The following PCDHGA11 variants were observed in gnomAD, a reference collection of about 807,000 sequenced individuals.
The protein encoded by PCDHGA11 is protocadherin gamma subfamily A, 11.
PCDHGA11 carries 39 observed loss-of-function variants against 60.4 expected under a neutral mutation model. The ratio of observed to expected loss-of-function variants is 0.65; its 90% confidence interval spans 0.50 to 0.84. The LOEUF (loss-of-function observed/expected upper bound fraction) is 0.84. Among genes scored for constraint, PCDHGA11 ranks in the 40% least tolerant of loss-of-function variants. The pLI is 0.00. For missense variants in PCDHGA11, 1,165 were observed against 1,197.7 expected, an observed-to-expected ratio of 0.97 and a Z score of 0.40; for synonymous variants, 533 against 510.3, an observed-to-expected ratio of 1.04 and a Z score of -0.60.
chr5:141,489,271 G>A lies in PCDHGA11; in HGVS notation c.2434-5536G>A, dbSNP rs1431562179. The A allele has an allele frequency of 2.4e-5, 37 of 1,554,676 alleles. No individual in the cohort carries two copies. The highest frequency in any genetic ancestry group is 3.0e-5 in the Non-Finnish European group (35 of 1,150,770). ...GCCCAAGACACTCCCACAGCTCGCT[G>A]GGAAATGGCAAGTGCTGTGCATGTT... On this transcript the variant is annotated intron_variant, in intron 1 of 3. Transcript: ENST00000398587. The surrounding 1 kb of genome is among the most constrained non-coding windows in gnomAD (Gnocchi z 4.5).
At chr5:141,449,055 A>T (rs1056298558) in intron 1 of PCDHGA11, among the ~76,000 whole-genome samples, 1 of 152,188 alleles carries the variant, frequency 6.6e-6, no homozygotes, top group Non-Finnish European at 1.5e-5. Context: ...CTCATAAATG[A>T]GCGCTATTGA....
At chr5:141,423,742 A>C in intron 1 of PCDHGA11, 82 bp downstream of exon 1, 1 of 514,328 alleles carries the variant, frequency 1.9e-6, no homozygotes, top group Non-Finnish European at 2.4e-6. Context: ...CCTGTTATGA[A>C]AACTGTTTGG....
intron 1 of PCDHGA11, among the ~76,000 whole-genome samples, chr5:141,444,152 ATTTTTTTTTTTTTTT>A (rs747671382): frequency 3.8e-4 from 13 of 33,894 alleles, no homozygotes; most frequent in East Asian, 1.0e-3. Context: ...TGTGTACTGG[ATTTTTTTTTTTTTTT>A]TTTTTTTTTT....
At chr5:141,484,795 C>G (rs1265916821) in intron 1 of PCDHGA11, among the ~76,000 whole-genome samples, 1 of 151,902 alleles carries the variant, frequency 6.6e-6, no homozygotes, top group Middle Eastern at 3.4e-3. Flanking sequence ...AGATAACAAC[C>G]CGTGGAAAAA....
intron 1 of PCDHGA11, among the ~76,000 whole-genome samples, chr5:141,494,030 A>G (rs1165393646): frequency 6.6e-6 from 1 of 151,978 alleles, no homozygotes; most frequent in Non-Finnish European, 1.5e-5. Context: ...AGCCCTGGAG[A>G]CTTAGTTGGC....
At position 141,494,841 on chromosome 5, in the gene PCDHGA11, A is replaced by G. The variant is rs1163193977; in HGVS notation, c.2468A>G (p.Gln823Arg). ...APPNTDWRFS[Q>R]AQRPGTSGSQ... ...CCCAACACGGACTGGCGTTTCTCTC[A>G]GGCCCAGAGACCCGGCACCAGCGGG... The change falls in exon 2 of 4, where the codon CAG (glutamine) becomes CGG (arginine). Residue 823 changes from glutamine to arginine, a missense_variant. Gln to Arg is a conservative substitution (Grantham distance 43). Coordinates refer to ENST00000398587, the MANE Select transcript of PCDHGA11 (RefSeq NM_018914.3). 1 of 1,613,996 alleles carries G rather than the reference A, an allele frequency of 6.2e-7. No homozygotes were observed. The highest frequency in any genetic ancestry group is 1.1e-5 in the South Asian group (1 of 91,074).
rs771398829 is a variant in PCDHGA11, at chr5:141,421,251, G to A, written c.24G>A (p.Gly8=). MANRLQR[G]DRSRLLLLLC... ...CCATGGCGAATCGGCTACAGCGCGG[G>A]GACCGCAGTCGGCTGCTGCTGCTGC... Residue 8 remains glycine (G), a synonymous_variant, in exon 1 of 4, where the codon GGG becomes GGA. Transcript: ENST00000398587. 17 of 1,606,770 alleles carry A rather than the reference G, an allele frequency of 1.1e-5. No homozygotes were observed. The East Asian group carries it at 3.1e-4, about 30-fold the overall frequency.
chr5:141,490,184 TC>T lies in PCDHGA11; in HGVS notation c.2434-4622del, dbSNP rs1293752541. The T allele has an allele frequency of 1.2e-6, 2 of 1,614,196 alleles. No individual in the cohort carries two copies. The highest frequency in any genetic ancestry group is 1.7e-6 in the Non-Finnish European group (2 of 1,180,030). On this transcript the variant is annotated intron_variant, in intron 1 of 3. Coordinates refer to ENST00000398587, the MANE Select transcript of PCDHGA11 (RefSeq NM_018914.3). This position sits in a 1 kb window ranked among gnomAD's most constrained non-coding sequence, Gnocchi z 5.4. The stretch of plus-strand genomic sequence containing the variant: ...CCCATAGACTTTGAGGAGTCACGTT[TC>T]TATGAAATTCATGCAAGAGCCCGTG...
chr5:141,447,181 G>T (rs442221), intron 1 of PCDHGA11, among the ~76,000 whole-genome samples: 1 of 152,338 alleles, frequency 6.6e-6, no homozygotes, highest in Admixed American at 6.5e-5. Context: ...CTCTTGTCGC[G>T]CAGGCTGGAG....
chr5:141,430,369 A>G (rs564811230), intron 1 of PCDHGA11, among the ~76,000 whole-genome samples: 1 of 151,582 alleles, frequency 6.6e-6, no homozygotes, highest in East Asian at 1.9e-4. Flanking sequence ...ATTGGGGAAA[A>G]AAAAGCTCAT....
chr5:141,473,033 GGAAA>G (rs1282468299), intron 1 of PCDHGA11, among the ~76,000 whole-genome samples: 6 of 146,356 alleles, frequency 4.1e-5, no homozygotes, highest in South Asian at 2.2e-4. Flanking sequence ...AAGGAAGGAA[GGAAA>G]GAAAGAAAGA....
At position 141,484,779 on chromosome 5, in the gene PCDHGA11, C is replaced by G. The variant is rs186158562; in HGVS notation, c.2434-10028C>G. On this transcript the variant is annotated intron_variant, in intron 1 of 3. Transcript: ENST00000398587. ...ATATATATATATGTTGTCTGCCTCCCCACAGAGATAACAACCCGTGGAAAA... is the reference window on the plus strand; with the variant it reads ...ATATATATATATGTTGTCTGCCTCCGCACAGAGATAACAACCCGTGGAAAA... Among the ~76,000 whole-genome samples, 137 of 152,130 alleles carry G rather than the reference C, an allele frequency of 9.0e-4. 1 individual carries two copies. Among genetic ancestry groups the G allele is most frequent in the Non-Finnish European group, 1.6e-3 (110 of 67,996 alleles).
At chr5:141,508,029 A>C (rs941166006) in intron 3 of PCDHGA11, 10 of 152,264 alleles carry the variant, frequency 6.6e-5, no homozygotes, top group African/African-American at 2.4e-4. Flanking sequence ...TGCGGTTTGC[A>C]GCTCAGCCAG....
intron 1 of PCDHGA11, among the ~76,000 whole-genome samples, chr5:141,454,796 A>ATTTTTTTTTTT (rs61612330): frequency 0.014 from 1,093 of 77,476 alleles, 165 homozygotes; most frequent in African/African-American, 0.018. Flanking sequence ...CATGGTTCTA[A>ATTTTTTTTTTT]TTTTTTTTTT....
intron 1 of PCDHGA11, among the ~76,000 whole-genome samples, chr5:141,459,111 A>G (rs2098961190): frequency 1.3e-5 from 2 of 152,218 alleles, no homozygotes; most frequent in Non-Finnish European, 2.9e-5. Flanking sequence ...CATTTTGACA[A>G]TTGTTTACAT....
chr5:141,495,470 C>A (rs2099761615), intron 2 of PCDHGA11, among the ~76,000 whole-genome samples: 1 of 152,196 alleles, frequency 6.6e-6, no homozygotes, highest in African/African-American at 2.4e-5. Flanking sequence ...GTGGGGTCTC[C>A]GTGTCTCTGC....
chr5:141,504,224 C>T (rs2099836716), intron 2 of PCDHGA11, among the ~76,000 whole-genome samples: 2 of 152,160 alleles, frequency 1.3e-5, no homozygotes, highest in African/African-American at 4.8e-5. Flanking sequence ...TAGAGCTGAA[C>T]CTTCTAAGAA....
At position 141,511,262 on chromosome 5, in the gene PCDHGA11, G is replaced by A; in HGVS notation, c.*89G>A. 1 of 1,556,036 alleles carries A rather than the reference G, an allele frequency of 6.4e-7. No individual in the cohort carries two copies. The highest frequency in any genetic ancestry group is 8.7e-7 in the Non-Finnish European group (1 of 1,150,444). On this transcript the variant is annotated 3_prime_UTR_variant, in exon 4 of 4. Transcript: ENST00000398587. ...TGCACCCAGGCCTCAGAGTTTCAGG[G>A]CTAACCCCCAGAATACTGGTAGGGG...
intron 1 of PCDHGA11, chr5:141,478,808 T>A: frequency 3.4e-6 from 5 of 1,459,124 alleles, no homozygotes; most frequent in Non-Finnish European, 4.5e-6. Context: ...TCTTTTGCTA[T>A]CACAACTAAC....
Sources: gnomAD v4.1 joint callset for allele counts (sites outside exome capture counted in the v4.1 genomes callset) on GRCh38, gnomAD v4.1.1 for gene constraint, Gnocchi (gnomAD v3.1) non-coding constraint, MANE v1.5 for transcripts, NCBI Gene and HGNC (gene_info 2026-07-23, HGNC 2026-07-21) for gene names.